EXOC2: variants seen among roughly 807,000 people sequenced by gnomAD.
The protein encoded by EXOC2 is SEC5-like 1.
EXOC2 carries 70 observed loss-of-function variants against 131.8 expected under a neutral mutation model. The ratio of observed to expected loss-of-function variants is 0.53; its 90% CI spans 0.44 to 0.65. The LOEUF is 0.65. EXOC2 is among the 30% of genes least tolerant of loss of function. The pLI, the probability that EXOC2 is intolerant of heterozygous loss-of-function variation, is 0.00. For missense variants in EXOC2, 923 were observed against 1,108.6 expected, an observed-to-expected ratio of 0.83 and a Z score of 2.38; for synonymous variants, 411 against 398.4, an observed-to-expected ratio of 1.03 and a Z score of -0.38.
intron 17 of EXOC2, among the ~76,000 whole-genome samples, chr6:559,896 G>A (rs1041338903): frequency 6.6e-6 from 1 of 152,170 alleles, no homozygotes; most frequent in Non-Finnish European, 1.5e-5. Context: ...AGCAGACTCT[G>A]CCTTCTCAAA....
intron 23 of EXOC2, among the ~76,000 whole-genome samples, chr6:515,944 C>T (rs991283139): frequency 1.3e-5 from 2 of 152,154 alleles, no homozygotes; most frequent in African/African-American, 4.8e-5. Context: ...GACTAAACTA[C>T]CAAGGCGTAT....
At chr6:581,225 G>A (rs1321487873) in intron 11 of EXOC2, among the ~76,000 whole-genome samples, 2 of 150,852 alleles carry the variant, frequency 1.3e-5, no homozygotes, top group East Asian at 3.9e-4. Flanking sequence ...GTACCTGGGA[G>A]ACAGAGATTG....
intron 23 of EXOC2, among the ~76,000 whole-genome samples, chr6:528,349 G>T (rs1765870919): frequency 6.6e-6 from 1 of 152,182 alleles, no homozygotes; most frequent in Admixed American, 6.5e-5. Flanking sequence ...TACTAAAGTT[G>T]TTAATTGAAA....
At chr6:619,383 G>C (rs541868586) in intron 5 of EXOC2, 47 bp downstream of exon 5, 1 of 1,440,064 alleles carries the variant, frequency 6.9e-7, no homozygotes, top group African/African-American at 1.4e-5. Context: ...TCCATCTTTA[G>C]CATCTGAGTG....
chr6:508,277 A>G (rs1444541688), intron 23 of EXOC2, among the ~76,000 whole-genome samples: 1 of 152,200 alleles, frequency 6.6e-6, no homozygotes, highest in African/African-American at 2.4e-5. Flanking sequence ...CATTTGTTAC[A>G]GTCGAAAGAC....
intron 4 of EXOC2, among the ~76,000 whole-genome samples, chr6:627,666 C>A (rs1048612303): frequency 2.0e-5 from 3 of 151,956 alleles, no homozygotes; most frequent in Non-Finnish European, 4.4e-5. Flanking sequence ...TTTCTCATTG[C>A]GTATGTCTCC....
At chr6:644,254 C>A (rs531599208) in intron 1 of EXOC2, among the ~76,000 whole-genome samples, 1 of 152,052 alleles carries the variant, frequency 6.6e-6, no homozygotes, top group Non-Finnish European at 1.5e-5. Context: ...CGTATGTTAC[C>A]CTAAATAGAT....
chr6:510,347 C>G (rs777707600), intron 23 of EXOC2, among the ~76,000 whole-genome samples: 12 of 152,260 alleles, frequency 7.9e-5, no homozygotes, highest in African/African-American at 2.9e-4. Flanking sequence ...GGTACCTTCG[C>G]CCTCTCCTGC....
chr6:658,667 T>TTTATATATATATATATATATA (rs1763269186), intron 1 of EXOC2, among the ~76,000 whole-genome samples: 2 of 65,200 alleles, frequency 3.1e-5, no homozygotes, highest in Admixed American at 3.5e-4. Flanking sequence ...ATATATATAT[T>TTTATATATATATATATATATA]TTTTTTTTTT....
chr6:642,107 T>C (rs1762382352), intron 1 of EXOC2, among the ~76,000 whole-genome samples: 1 of 152,156 alleles, frequency 6.6e-6, no homozygotes, highest in African/African-American at 2.4e-5. Flanking sequence ...GCCACATGCT[T>C]GTATTCATGT....
intron 13 of EXOC2, among the ~76,000 whole-genome samples, chr6:569,769 T>C (rs1013226333): frequency 6.6e-6 from 1 of 152,234 alleles, no homozygotes; most frequent in Non-Finnish European, 1.5e-5. Context: ...TTTATAAACA[T>C]AGACAGGTAG....
intron 11 of EXOC2, among the ~76,000 whole-genome samples, chr6:587,990 A>G (rs1304601913): frequency 6.6e-6 from 1 of 152,224 alleles, no homozygotes; most frequent in Non-Finnish European, 1.5e-5. Context: ...AGCAGGTAAG[A>G]CTGGCTATGA....
intron 4 of EXOC2, among the ~76,000 whole-genome samples, chr6:625,751 G>A (rs960055892): frequency 2.6e-5 from 4 of 152,040 alleles, no homozygotes; most frequent in African/African-American, 7.2e-5. Context: ...AGGCCGATTC[G>A]AAGAAAATCA....
intron 11 of EXOC2, among the ~76,000 whole-genome samples, chr6:586,860 C>T (rs575421747): frequency 4.4e-4 from 67 of 152,308 alleles, no homozygotes; most frequent in African/African-American, 1.5e-3. Flanking sequence ...ACTCAGGATA[C>T]GGAGGACGTG....
chr6:488,858 G>C (rs1404017207), intron 27 of EXOC2, 121 bp downstream of exon 27: 6 of 1,062,450 alleles, frequency 5.6e-6, no homozygotes, highest in Non-Finnish European at 8.2e-6. Flanking sequence ...TGCTTATTCT[G>C]ATTCTTATTT....
In EXOC2 at chr6:675,638, G is replaced by T. The variant is rs1205375636; in HGVS notation, c.-44+17381C>A. The stretch of plus-strand genomic sequence containing the variant: ...CTCTTCAGCATTACAGAAAGGACAG[G>T]TTCCTCTGGCGACTGCAGTTCCCCA... On this transcript the variant is annotated intron_variant, in intron 1 of 27. Coordinates refer to ENST00000230449, the MANE Select transcript of EXOC2 (RefSeq NM_018303.6). 2.2e-3 allele frequency among the ~76,000 whole-genome samples: 76 copies of T among 34,450 alleles called. 3 individuals are homozygous for T. Among genetic ancestry groups the T allele is most frequent in the African/African-American group, 4.2e-3 (61 of 14,440 alleles). 22.6% of individuals were successfully genotyped at this position (34,450 alleles called of 152,430 possible).
chr6:600,116 G>A (rs1443934565), intron 7 of EXOC2, among the ~76,000 whole-genome samples: 2 of 152,150 alleles, frequency 1.3e-5, no homozygotes, highest in Non-Finnish European at 2.9e-5. Context: ...CAGTCTCACT[G>A]GGTGGCTCGC....
At chr6:562,400 T>A (rs1180444002) in intron 17 of EXOC2, among the ~76,000 whole-genome samples, 1 of 152,260 alleles carries the variant, frequency 6.6e-6, no homozygotes, top group Non-Finnish European at 1.5e-5. Context: ...TGCAGTGGTC[T>A]GTGGTGGTTG....
At position 499,656 on chromosome 6, in the gene EXOC2, C is replaced by T. The variant is rs778116321; in HGVS notation, c.2425G>A (p.Val809Met). The change falls in exon 24 of 28, where the codon GTG becomes ATG. Residue 809 changes from valine to methionine, a missense_variant. Physicochemically the swap from Val to Met is conservative, Grantham distance 21. Transcript: ENST00000230449. The part of the protein sequence containing the change: ...LKEALVNIIA[V>M]HAEVFTISKE... Reference sequence around the variant, plus strand: ...TAATGATACTTTACCTCTGCATGCACGGCAATTATATTCACCAGTGCTTCT... The same window carrying T: ...TAATGATACTTTACCTCTGCATGCATGGCAATTATATTCACCAGTGCTTCT... 7.4e-5 allele frequency: 119 copies of T among 1,613,506 alleles called. No individual in the cohort carries two copies. The highest frequency in any genetic ancestry group is 8.7e-5 in the Non-Finnish European group (103 of 1,179,632).
Sources: gnomAD v4.1 joint callset for allele counts (sites outside exome capture counted in the v4.1 genomes callset) on GRCh38, gnomAD v4.1.1 for gene constraint, MANE v1.5 for transcripts, NCBI Gene and HGNC (gene_info 2026-07-23, HGNC 2026-07-21) for gene names.